The following POMT1 variants were observed in gnomAD, a reference collection of about 807,000 sequenced individuals.
POMT1 encodes the protein protein O-mannosyltransferase 1.
In POMT1, 85 loss-of-function variants were observed where a neutral mutation model predicts 101.6. The ratio of observed to expected loss-of-function variants is 0.84; its 90% CI spans 0.70 to 1.00. The LOEUF is 1.00. Ranked by LOEUF, POMT1 falls within the 50% of genes least tolerant of loss-of-function variation. The pLI is 0.00. For synonymous variants in POMT1, 371 were observed against 383.0 expected (o/e 0.97, Z 0.37); for missense variants, 857 against 930.4 (o/e 0.92, Z 1.03).
intron 5 of POMT1, 73 bp downstream of exon 5, chr9:131,507,587 T>G: frequency 1.3e-6 from 2 of 1,592,722 alleles, no homozygotes; most frequent in Non-Finnish European, 1.7e-6. Context: ...GAAGATCACA[T>G]GGGCTTGGTG....
chr9:131,518,644 A>C, intron 14 of POMT1, 107 bp downstream of exon 14: 1 of 1,390,792 alleles, frequency 7.2e-7, no homozygotes, highest in Non-Finnish European at 1.0e-6. Context: ...GCTTCATTTG[A>C]GTCATCATGG....
Position 131,522,091 on chromosome 9 carries a change from G to A in POMT1, c.1870G>A (p.Gly624Ser). 6.8e-6 allele frequency: 11 copies of A among 1,614,132 alleles called. No homozygotes were observed. The highest frequency in any genetic ancestry group is 9.3e-6 in the Non-Finnish European group (11 of 1,180,036). ...WVLAGALCAG[G>S]WAVNYLPFFL... The stretch of plus-strand genomic sequence containing the variant: ...GCTGGCTGGGGCGCTGTGTGCCGGT[G>A]GCTGGGCAGTGAACTACCTCCCGTT... Residue 624 changes from glycine (G) to serine (S), a missense_variant, in exon 19 of 20, where the codon GGC (glycine) becomes AGC (serine). By Grantham distance (56) the Gly-to-Ser change is moderately conservative. Transcript: ENST00000402686. This position sits in a 1 kb window ranked among gnomAD's most constrained non-coding sequence, Gnocchi z 5.5.
chr9:131,518,871 G>C lies in POMT1; in HGVS notation c.1400G>C (p.Arg467Pro). 1 of 1,614,014 alleles carries C rather than the reference G, an allele frequency of 6.2e-7. No homozygotes were observed. Among genetic ancestry groups the C allele is most frequent in the African/African-American group, 1.3e-5 (1 of 75,052 alleles). Residue 467 changes from arginine to proline, a missense_variant, in exon 15 of 20, where the codon CGG becomes CCG. Transcript: ENST00000402686. ...SGAHLPDWGY[R>P]QLEIVGEKLS... ...GCTCACCTCCCTGACTGGGGGTATCGGCAACTGGAGATCGTCGGGGAGAAG... is the reference window on the plus strand; with the variant it reads ...GCTCACCTCCCTGACTGGGGGTATCCGCAACTGGAGATCGTCGGGGAGAAG...
intron 3 of POMT1, 26 bp downstream of exon 3, chr9:131,506,246 C>G: frequency 2.5e-6 from 4 of 1,607,962 alleles, no homozygotes; most frequent in African/African-American, 2.7e-5. Context: ...AGAGTAGCCC[C>G]TACCCTTCAG....
chr9:131,520,690 G>A (rs949640171), intron 17 of POMT1, among the ~76,000 whole-genome samples: 7 of 152,340 alleles, frequency 4.6e-5, no homozygotes, highest in African/African-American at 1.7e-4. Flanking sequence ...GAAGGCAGAG[G>A]CTCAGGCCCA....
intron 13 of POMT1, among the ~76,000 whole-genome samples, chr9:131,517,261 CA>C (rs1434544074): frequency 6.0e-5 from 9 of 149,558 alleles, no homozygotes; most frequent in Non-Finnish European, 1.0e-4. Context: ...GACTGGGTCT[CA>C]CTCTGTCACC....
At chr9:131,514,783 C>T (rs1947925705) in intron 12 of POMT1, among the ~76,000 whole-genome samples, 1 of 152,172 alleles carries the variant, frequency 6.6e-6, no homozygotes, top group African/African-American at 2.4e-5. Context: ...TGGTGAAACC[C>T]CGTCTCTACT....
chr9:131,513,002 C>T (rs1334359735), intron 11 of POMT1, among the ~76,000 whole-genome samples: 6 of 152,186 alleles, frequency 3.9e-5, no homozygotes, highest in African/African-American at 1.4e-4. Flanking sequence ...TAGACAAATT[C>T]AGAGCAATGC....
rs1947018811 is a variant in POMT1, at chr9:131,511,082, T to C, written c.856-255T>C. 3 of 445,390 alleles carry C rather than the reference T, an allele frequency of 6.7e-6. No homozygotes were observed. The Admixed American group carries it at 1.1e-4, about 17-fold the overall frequency. 27.6% of individuals were successfully genotyped at this position (445,390 alleles called of 1,614,324 possible). A position where few individuals can be genotyped will look rare whatever the true frequency, so the allele number is the denominator to read the frequency against. ...CATTGCTCTTACCTCATTGGATGCT[T>C]GTAAGGACTGAATAGGGTGCGCGTG... On this transcript the variant is annotated intron_variant, in intron 9 of 19. Coordinates refer to ENST00000402686, the MANE Select transcript of POMT1 (RefSeq NM_001077365.2).
rs146544829 is a variant in POMT1 at position 131,513,579 on chromosome 9, A to G, written c.1175+248A>G. Among the ~76,000 whole-genome samples, 462 of 152,312 alleles carry G rather than the reference A, an allele frequency of 3.0e-3. 1 individual carries two copies. Among genetic ancestry groups the G allele is most frequent in the Middle Eastern group, 0.017 (5 of 294 alleles). ...AGAAGCACCTAGCACAGCCCATCCT[A>G]GGAGAGCTCAGGGCCCCGTGGATGA... is the stretch of plus-strand genomic sequence containing the variant. On this transcript the variant is annotated intron_variant, in intron 12 of 19. Coordinates refer to ENST00000402686, the MANE Select transcript of POMT1 (RefSeq NM_001077365.2).
intron 2 of POMT1, among the ~76,000 whole-genome samples, chr9:131,505,363 C>T (rs1053296124): frequency 1.0e-4 from 15 of 144,878 alleles, no homozygotes; most frequent in Middle Eastern, 3.8e-3. Context: ...ATGGTGCGAT[C>T]GTGATTCTCC....
At position 131,511,317 on chromosome 9, in the gene POMT1, A is replaced by G; in HGVS notation, c.856-20A>G. On this transcript the variant is annotated intron_variant, in intron 9 of 19. Transcript: ENST00000402686. ...TTTTCTTTCTGTCTCTCACTCATCAACCTTCTGCTTCTGTCTCAGGGAGGA... is the reference window on the plus strand; with the variant it reads ...TTTTCTTTCTGTCTCTCACTCATCAGCCTTCTGCTTCTGTCTCAGGGAGGA... The G allele has an allele frequency of 1.9e-6, 3 of 1,601,050 alleles. No homozygotes were observed. Among genetic ancestry groups the G allele is most frequent in the Non-Finnish European group, 2.6e-6 (3 of 1,169,744 alleles).
At position 131,519,337 on chromosome 9, in the gene POMT1, GCT is replaced by G. The variant is rs1949429464; in HGVS notation, c.1487-49_1487-48del. ...GCTGCACTGACAGCTTCTGCTCTGA[GCT>G]CTTGACCTTGTGCTACTTCTATCTG... On this transcript the variant is annotated intron_variant, in intron 15 of 19. Coordinates refer to ENST00000402686, the MANE Select transcript of POMT1 (RefSeq NM_001077365.2). This position sits in a 1 kb window ranked among gnomAD's most constrained non-coding sequence, Gnocchi z 4.3. 1.3e-6 allele frequency: 2 copies of G among 1,520,056 alleles called. No homozygotes were observed. Among genetic ancestry groups the G allele is most frequent in the Non-Finnish European group, 1.8e-6 (2 of 1,120,348 alleles). The allele number at this position is 1,520,056 out of a possible 1,614,324, so 94.2% of individuals were successfully genotyped here.
Position 131,519,551 on chromosome 9 carries a change from G to A in POMT1, c.1584+65G>A. The A allele has an allele frequency of 6.8e-7, 1 of 1,477,386 alleles. No individual in the cohort carries two copies. The highest frequency in any genetic ancestry group is 9.2e-7 in the Non-Finnish European group (1 of 1,089,942). The allele number at this position is 1,477,386 out of a possible 1,614,324, so 91.5% of individuals were successfully genotyped here. On this transcript the variant is annotated intron_variant, in intron 16 of 19. Transcript: ENST00000402686. The surrounding 1 kb of genome is among the most constrained non-coding windows in gnomAD (Gnocchi z 4.3). Reference sequence around the variant, plus strand: ...CATTGACTCCTCAGCAGGGAGGCCTGGGGGCTGCACAGGACTCAAACCAGA... The same window carrying A: ...CATTGACTCCTCAGCAGGGAGGCCTAGGGGCTGCACAGGACTCAAACCAGA...
chr9:131,507,542 G>T, intron 5 of POMT1, 28 bp downstream of exon 5: 1 of 1,613,346 alleles, frequency 6.2e-7, no homozygotes. Context: ...GCCTGCTCTT[G>T]CTGTCATGCA....
rs1588307699 is a variant in POMT1 at position 131,503,535 on chromosome 9, C to T, written c.-31+462C>T. ...ATGGGGCCTGAGGAGACCAGCGGGG[C>T]GCCAACGGCCAGATGCGGCTTTGGT... On this transcript the variant is annotated intron_variant, in intron 1 of 19. Transcript: ENST00000402686. The surrounding 1 kb of genome is among the most constrained non-coding windows in gnomAD (Gnocchi z 4.4). Among the ~76,000 whole-genome samples, 3 of 152,324 alleles carry T rather than the reference C, an allele frequency of 2.0e-5. 1 individual carries two copies. Among genetic ancestry groups the T allele is most frequent in the South Asian group, 4.1e-4 (2 of 4,830 alleles).
chr9:131,510,185 C>G, intron 8 of POMT1, 75 bp from the exon 9 acceptor site: 1 of 1,610,406 alleles, frequency 6.2e-7, no homozygotes, highest in Non-Finnish European at 8.5e-7. Context: ...CTAACTTTTT[C>G]TAAGCTCACA....
rs1422775715 is a variant in POMT1 at position 131,518,931 on chromosome 9, A to C, written c.1460A>C (p.Asn487Thr). 3.1e-6 allele frequency: 5 copies of C among 1,613,634 alleles called. No homozygotes were observed. Among genetic ancestry groups the C allele is most frequent in the Non-Finnish European group, 3.4e-6 (4 of 1,180,002 alleles). ...GGCTACCACGGGAGCACGGTGTGGAACGTGGAGGAGCACCGATACGGCGCG... is the reference window on the plus strand; with the variant it reads ...GGCTACCACGGGAGCACGGTGTGGACCGTGGAGGAGCACCGATACGGCGCG... Reference protein sequence around the residue: ...SRGYHGSTVWNVEEHRYGASQ... With the variant: ...SRGYHGSTVWTVEEHRYGASQ... Residue 487 changes from asparagine (N) to threonine (T), a missense_variant, in exon 15 of 20, where the codon AAC becomes ACC. Transcript: ENST00000402686.
chr9:131,523,200 T>G lies in POMT1; in HGVS notation c.*94T>G, dbSNP rs1305560428. 1 of 1,487,152 alleles carries G rather than the reference T, an allele frequency of 6.7e-7. No homozygotes were observed. Among genetic ancestry groups the G allele is most frequent in the African/African-American group, 1.4e-5 (1 of 72,706 alleles). The allele number at this position is 1,487,152 out of a possible 1,614,324, so 92.1% of individuals were successfully genotyped here. A position where few individuals can be genotyped will look rare whatever the true frequency, so the allele number is the denominator to read the frequency against. On this transcript the variant is annotated 3_prime_UTR_variant, in exon 20 of 20. Coordinates refer to ENST00000402686, the MANE Select transcript of POMT1 (RefSeq NM_001077365.2). Reference sequence around the variant, plus strand: ...GTAATGAGCAGGGTGGGCCCCACGCTGGGAGGACACGGGCTGGGCTGAGCA... The same window carrying G: ...GTAATGAGCAGGGTGGGCCCCACGCGGGGAGGACACGGGCTGGGCTGAGCA...
Sources: gnomAD v4.1 joint callset for allele counts (sites outside exome capture counted in the v4.1 genomes callset) on GRCh38, gnomAD v4.1.1 for gene constraint, Gnocchi (gnomAD v3.1) non-coding constraint, MANE v1.5 for transcripts, NCBI Gene and HGNC (gene_info 2026-07-23, HGNC 2026-07-21) for gene names.